LIMK1: variants seen among roughly 807,000 people sequenced by gnomAD.
LIMK1 encodes LIM motif-containing protein kinase.
LIMK1 carries 21 observed loss-of-function variants against 77.6 expected under a neutral mutation model. That is an observed-to-expected ratio of 0.27 (90% CI 0.19 to 0.39). LIMK1 has a LOEUF of 0.39. LIMK1 is among the 10% of genes least tolerant of loss of function. The pLI, the probability that LIMK1 is intolerant of heterozygous loss-of-function variation, is 1.00. For synonymous variants in LIMK1, 358 were observed against 370.0 expected (o/e 0.97, Z 0.37); for missense variants, 696 against 901.6 (o/e 0.77, Z 2.92).
Position 74,108,979 on chromosome 7 carries a change from C to T in LIMK1, c.1227C>T (p.Leu409=), listed in dbSNP as rs1554698135. 5.0e-6 allele frequency: 8 copies of T among 1,614,142 alleles called. No individual in the cohort carries two copies. The highest frequency in any genetic ancestry group is 6.8e-6 in the Non-Finnish European group (8 of 1,180,016). The change falls in exon 10 of 16, where the codon CTC becomes CTT. Residue 409 remains leucine, a synonymous_variant. Coordinates refer to ENST00000336180, the MANE Select transcript of LIMK1 (RefSeq NM_002314.4). ...GGGTGCTCTACAAGGACAAGAGGCTCAACTTCATCACTGAGTACATCAAGG... is the reference window on the plus strand; with the variant it reads ...GGGTGCTCTACAAGGACAAGAGGCTTAACTTCATCACTGAGTACATCAAGG... ...FIGVLYKDKR[L]NFITEYIKGG... is the part of the protein sequence containing the mutation.
At chr7:74,106,894 G>T (rs577512281) in intron 7 of LIMK1, 116 bp from the exon 8 acceptor site, 83 of 1,046,098 alleles carry the variant, frequency 7.9e-5, no homozygotes, top group Non-Finnish European at 1.0e-4. Flanking sequence ...CAAAGCAGGG[G>T]GTGATTGCAT....
At position 74,106,069 on chromosome 7, in the gene LIMK1, G is replaced by A. The variant is rs201213019; in HGVS notation, c.715-8G>A. ...CTCCACCCCCATTCACATGCCTGCT[G>A]TCCCCAGATTGACCTGCTGATTCAG... On this transcript the variant is annotated splice_polypyrimidine_tract_variant and splice_region_variant and intron_variant, in intron 6 of 15. Transcript: ENST00000336180. 7 of 1,613,962 alleles carry A rather than the reference G, an allele frequency of 4.3e-6. No homozygotes were observed. In the East Asian group the frequency reaches 1.6e-4, roughly 36 times the overall value.
chr7:74,097,225 C>T, intron 4 of LIMK1, 36 bp downstream of exon 4: 1 of 1,370,794 alleles, frequency 7.3e-7, no homozygotes, highest in East Asian at 2.4e-5. Flanking sequence ...CCTAGGAGGC[C>T]CACCTGTGTC....
chr7:74,107,248 C>T, intron 8 of LIMK1, 55 bp downstream of exon 8: 1 of 1,509,426 alleles, frequency 6.6e-7, no homozygotes, highest in East Asian at 2.3e-5. Context: ...CCTCCATCCT[C>T]CTTCCTTCCC....
intron 11 of LIMK1, 54 bp from the exon 12 acceptor site, chr7:74,111,879 G>T: frequency 6.5e-7 from 1 of 1,528,124 alleles, no homozygotes. Context: ...GAGCCAGGAT[G>T]GGCTGGGGTC....
chr7:74,089,501 CA>C (rs72149470), intron 2 of LIMK1, among the ~76,000 whole-genome samples: 58 of 150,946 alleles, frequency 3.8e-4, no homozygotes, highest in Admixed American at 1.3e-3. Flanking sequence ...AATCCCATCT[CA>C]AAAAAAAGAA....
At chr7:74,114,679 G>A (rs945548036) in intron 12 of LIMK1, among the ~76,000 whole-genome samples, 1 of 152,082 alleles carries the variant, frequency 6.6e-6, no homozygotes, top group Non-Finnish European at 1.5e-5. Flanking sequence ...ACTTTGGGAG[G>A]CCGACGTGGG....
Position 74,122,215 on chromosome 7 carries a change from A to G in LIMK1, c.*914A>G, listed in dbSNP as rs1205871082. ...CCTCTGCGTTTTTTCTGTGTAATCT[A>G]TTTTTTAAGAAGAGTTTGTATTATT... On this transcript the variant is annotated 3_prime_UTR_variant, in exon 16 of 16. Coordinates refer to ENST00000336180, the MANE Select transcript of LIMK1 (RefSeq NM_002314.4). 1 of 120,058 alleles carries G rather than the reference A, an allele frequency of 8.3e-6. No homozygotes were observed. The highest frequency in any genetic ancestry group is 1.6e-5 in the Non-Finnish European group (1 of 61,182). The allele number at this position is 120,058 out of a possible 1,614,324, so 7.4% of individuals were successfully genotyped here.
intron 12 of LIMK1, chr7:74,115,527 C>A (rs563560361): frequency 2.5e-6 from 1 of 399,466 alleles, no homozygotes; most frequent in South Asian, 4.6e-5. Flanking sequence ...GGGTCCGCCA[C>A]GACGGTCTGG....
In LIMK1 at chr7:74,099,318, C is replaced by T. The variant is rs1259747231; in HGVS notation, c.608+80C>T. 2.9e-6 allele frequency: 4 copies of T among 1,392,134 alleles called. No individual in the cohort carries two copies. In the East Asian group the frequency reaches 9.2e-5, roughly 32 times the overall value. The allele number at this position is 1,392,134 out of a possible 1,614,324, so 86.2% of individuals were successfully genotyped here. A position where few individuals can be genotyped will look rare whatever the true frequency, so the allele number is the denominator to read the frequency against. On this transcript the variant is annotated intron_variant, in intron 5 of 15. Transcript: ENST00000336180. ...GGTGGCAGAGTCTGGCACTGGGGGC[C>T]CTGAAAATGAATGGGCGAGTGTTTG...
intron 2 of LIMK1, among the ~76,000 whole-genome samples, chr7:74,091,612 G>T (rs1279411191): frequency 6.6e-6 from 1 of 152,186 alleles, no homozygotes; most frequent in African/African-American, 2.4e-5. Context: ...GACTCGAACC[G>T]AGGCAGCCTG....
At chr7:74,116,579 G>C (rs534900343) in intron 13 of LIMK1, among the ~76,000 whole-genome samples, 1 of 152,142 alleles carries the variant, frequency 6.6e-6, no homozygotes, top group African/African-American at 2.4e-5. Flanking sequence ...CTGGCTCGTG[G>C]AGGCTTCCTC....
At chr7:74,088,577 G>C (rs140842929) in intron 2 of LIMK1, among the ~76,000 whole-genome samples, 1 of 152,064 alleles carries the variant, frequency 6.6e-6, no homozygotes, top group Non-Finnish European at 1.5e-5. Context: ...GAGGCAGGCA[G>C]ATCACTTGAC....
At chr7:74,117,170 C>T (rs1397536097) in intron 13 of LIMK1, among the ~76,000 whole-genome samples, 1 of 152,104 alleles carries the variant, frequency 6.6e-6, no homozygotes. Flanking sequence ...CGTGAGCCAC[C>T]GCGCCTGGCC....
At chr7:74,091,036 C>T (rs1799225098) in intron 2 of LIMK1, among the ~76,000 whole-genome samples, 1 of 152,176 alleles carries the variant, frequency 6.6e-6, no homozygotes, top group Non-Finnish European at 1.5e-5. Flanking sequence ...GCCTCAGCCT[C>T]CCAAGTAGCT....
chr7:74,088,765 G>C (rs1257959563), intron 2 of LIMK1, among the ~76,000 whole-genome samples: 1 of 142,554 alleles, frequency 7.0e-6, no homozygotes, highest in East Asian at 2.1e-4. Context: ...TCACGTCACT[G>C]CACTCCAGCC....
intron 12 of LIMK1, 32 bp from the exon 13 acceptor site, chr7:74,115,770 G>T: frequency 6.2e-7 from 1 of 1,609,292 alleles, no homozygotes; most frequent in South Asian, 1.1e-5. Flanking sequence ...ACTAGGATCG[G>T]GTCCCAGCAT....
At chr7:74,116,314 T>G (rs1311556939) in intron 13 of LIMK1, among the ~76,000 whole-genome samples, 1 of 152,120 alleles carries the variant, frequency 6.6e-6, no homozygotes, top group East Asian at 1.9e-4. Context: ...CTAGGGAAGC[T>G]GAGGCAGGAG....
chr7:74,114,533 G>A (rs1309222578), intron 12 of LIMK1, among the ~76,000 whole-genome samples: 1 of 146,080 alleles, frequency 6.8e-6, no homozygotes, highest in African/African-American at 2.5e-5. Flanking sequence ...CCTGGGCCAC[G>A]GGAGGGAGAC....
Sources: gnomAD v4.1 joint callset for allele counts (sites outside exome capture counted in the v4.1 genomes callset) on GRCh38, gnomAD v4.1.1 for gene constraint, MANE v1.5 for transcripts, NCBI Gene and HGNC (gene_info 2026-07-23, HGNC 2026-07-21) for gene names.